BICC1: variants seen among roughly 807,000 people sequenced by gnomAD.
The protein encoded by BICC1 is protein bicaudal C homolog 1.
A neutral mutation model predicts 111.0 loss-of-function variants in BICC1; 43 were observed. The observed-to-expected ratio is 0.39, with a 90% CI of 0.30 to 0.50. BICC1 has a LOEUF of 0.50. Ranked by LOEUF, BICC1 falls within the 20% of genes least tolerant of loss-of-function variation. The pLI is 0.88. For missense variants in BICC1, 1,091 were observed against 1,203.2 expected, an observed-to-expected ratio of 0.91 and a Z score of 1.38; for synonymous variants, 467 against 434.4, an observed-to-expected ratio of 1.07 and a Z score of -0.93.
At position 58,660,658 on chromosome 10, in the gene BICC1, A is replaced by C. The variant is rs533732055; in HGVS notation, c.237+39757A>C. ...GCTGAACATAACCAGTATTCCAACTACTCAAGACTCCTTCTGACATCTTTG... is the reference window on the plus strand; with the variant it reads ...GCTGAACATAACCAGTATTCCAACTCCTCAAGACTCCTTCTGACATCTTTG... On this transcript the variant is annotated intron_variant, in intron 2 of 20. Coordinates refer to ENST00000373886, the MANE Select transcript of BICC1 (RefSeq NM_001080512.3). Among the ~76,000 whole-genome samples the C allele has an allele frequency of 6.6e-5, 10 of 152,180 alleles. No individual in the cohort carries two copies. In the South Asian group the frequency reaches 2.1e-3, roughly 32 times the overall value.
At chr10:58,768,636 C>CT (rs1842525187) in intron 3 of BICC1, among the ~76,000 whole-genome samples, 1 of 152,014 alleles carries the variant, frequency 6.6e-6, no homozygotes, top group Non-Finnish European at 1.5e-5. Context: ...TTAAAAATAA[C>CT]TATAGCTACA....
intron 1 of BICC1, among the ~76,000 whole-genome samples, chr10:58,545,831 A>G (rs1843124161): frequency 6.6e-6 from 1 of 152,132 alleles, no homozygotes; most frequent in African/African-American, 2.4e-5. Flanking sequence ...ATGCAAGAAC[A>G]TACCTGAACA....
At chr10:58,679,129 G>C (rs1253112438) in intron 2 of BICC1, among the ~76,000 whole-genome samples, 1 of 152,132 alleles carries the variant, frequency 6.6e-6, no homozygotes, top group Non-Finnish European at 1.5e-5. Context: ...AAAAGAACTA[G>C]AGAAGCAAGA....
At chr10:58,671,716 A>G (rs1232722278) in intron 2 of BICC1, among the ~76,000 whole-genome samples, 1 of 152,110 alleles carries the variant, frequency 6.6e-6, no homozygotes, top group Non-Finnish European at 1.5e-5. Flanking sequence ...ATACTTCTTG[A>G]AAGAGTTATC....
intron 2 of BICC1, among the ~76,000 whole-genome samples, chr10:58,624,783 G>A (rs1845935537): frequency 1.3e-5 from 2 of 151,904 alleles, no homozygotes; most frequent in South Asian, 4.2e-4. Context: ...TAGTAGAGAT[G>A]GGCTTTCACC....
chr10:58,584,164 A>T (rs986509418), intron 1 of BICC1, among the ~76,000 whole-genome samples: 1 of 151,922 alleles, frequency 6.6e-6, no homozygotes, highest in Non-Finnish European at 1.5e-5. Flanking sequence ...GGTAGAATGT[A>T]GCATATTTCT....
At chr10:58,679,479 A>G (rs1462788600) in intron 2 of BICC1, among the ~76,000 whole-genome samples, 1 of 152,202 alleles carries the variant, frequency 6.6e-6, no homozygotes, top group Non-Finnish European at 1.5e-5. Flanking sequence ...TCCAAAGACT[A>G]AACCAGGAAG....
intron 2 of BICC1, among the ~76,000 whole-genome samples, chr10:58,688,430 T>C (rs868645387): frequency 1.1e-4 from 16 of 152,194 alleles, no homozygotes; most frequent in African/African-American, 2.9e-4. Flanking sequence ...CACTGATTGG[T>C]GCGTTTACAA....
intron 3 of BICC1, among the ~76,000 whole-genome samples, chr10:58,724,785 G>T (rs1303277581): frequency 6.6e-6 from 1 of 152,222 alleles, no homozygotes; most frequent in African/African-American, 2.4e-5. Flanking sequence ...AGCCCCGGTT[G>T]CCCCGGTCCT....
intron 18 of BICC1, among the ~76,000 whole-genome samples, chr10:58,816,747 GT>G (rs1844103243): frequency 9.8e-4 from 1 of 1,018 alleles, no homozygotes; most frequent in Non-Finnish European, 6.3e-3. Context: ...CTCCAAGGCT[GT>G]GTGTGTGTGT....
intron 2 of BICC1, among the ~76,000 whole-genome samples, chr10:58,660,571 A>G (rs1415576647): frequency 6.6e-6 from 1 of 152,128 alleles, no homozygotes; most frequent in African/African-American, 2.4e-5. Flanking sequence ...TCAGAAGGTG[A>G]GAAAGCTGGT....
chr10:58,600,374 G>A (rs555117843), intron 1 of BICC1, among the ~76,000 whole-genome samples: 109 of 152,148 alleles, frequency 7.2e-4, no homozygotes, highest in African/African-American at 2.4e-3. Context: ...CACGGCCCGG[G>A]AATGGAGAGA....
At chr10:58,676,013 C>T (rs887499604) in intron 2 of BICC1, among the ~76,000 whole-genome samples, 1 of 152,138 alleles carries the variant, frequency 6.6e-6, no homozygotes, top group East Asian at 1.9e-4. Flanking sequence ...GGAGTCGCCT[C>T]ACCTGGGAAG....
chr10:58,680,852 C>G (rs527876883), intron 2 of BICC1, among the ~76,000 whole-genome samples: 1 of 152,298 alleles, frequency 6.6e-6, no homozygotes, highest in South Asian at 2.1e-4. Context: ...AGAACAGAGG[C>G]CTCTGAAATA....
chr10:58,737,674 ACT>A (rs1753720468), intron 3 of BICC1, among the ~76,000 whole-genome samples: 1 of 152,300 alleles, frequency 6.6e-6, no homozygotes, highest in Non-Finnish European at 1.5e-5. Flanking sequence ...GAATCGCCAC[ACT>A]GTCTTCCACA....
chr10:58,819,158 G>C (rs941216955), intron 19 of BICC1, among the ~76,000 whole-genome samples: 2 of 152,110 alleles, frequency 1.3e-5, no homozygotes, highest in Admixed American at 1.3e-4. Context: ...CTATAACAGC[G>C]TAGTTAAGTA....
At chr10:58,677,894 A>G (rs1839393919) in intron 2 of BICC1, among the ~76,000 whole-genome samples, 1 of 152,138 alleles carries the variant, frequency 6.6e-6, no homozygotes, top group Admixed American at 6.5e-5. Context: ...CCAATATTCA[A>G]CATTCTTAAA....
chr10:58,793,273 T>C (rs1003668983), intron 8 of BICC1, among the ~76,000 whole-genome samples: 6 of 152,186 alleles, frequency 3.9e-5, no homozygotes, highest in South Asian at 4.1e-4. Context: ...TTAAGACATA[T>C]AATTTCGTCA....
At chr10:58,546,585 G>T (rs1226516917) in intron 1 of BICC1, among the ~76,000 whole-genome samples, 1 of 152,134 alleles carries the variant, frequency 6.6e-6, no homozygotes, top group Non-Finnish European at 1.5e-5. Context: ...CATCTCTACT[G>T]AGGCATCGTT....
Sources: allele counts gnomAD v4.1 joint callset (sites outside exome capture counted in the v4.1 genomes callset), GRCh38; gene constraint gnomAD v4.1.1; transcripts MANE v1.5; gene names NCBI Gene and HGNC (gene_info 2026-07-23, HGNC 2026-07-21).